The following SOX6 variants were observed in gnomAD, a reference collection of about 807,000 sequenced individuals.
The protein encoded by SOX6 is transcription factor SOX-6.
SOX6 carries 11 observed loss-of-function variants against 97.8 expected under a neutral mutation model. The ratio of observed to expected loss-of-function variants is 0.11; its 90% CI spans 0.07 to 0.19. The LOEUF (loss-of-function observed/expected upper bound fraction) is 0.19, where lower values mean the gene tolerates loss of function less well. Among genes scored for constraint, SOX6 ranks in the 10% least tolerant of loss-of-function variants. The pLI, the probability that SOX6 is intolerant of heterozygous loss-of-function variation, is 1.00. For missense variants in SOX6, 810 were observed against 1,039.5 expected (o/e 0.78, Z 3.04); for synonymous variants, 360 against 371.4 (o/e 0.97, Z 0.35).
Position 16,070,498 on chromosome 11 carries a change from T to C in SOX6, c.1102-14597A>G, listed in dbSNP as rs143587517. Among the ~76,000 whole-genome samples, 47 of 152,300 alleles carry C rather than the reference T, an allele frequency of 3.1e-4. No homozygotes were observed. The East Asian group carries it at 8.5e-3, about 28-fold the overall frequency. ...ATGCATTCAGGAGAGCATTTCCTTA[T>C]GGAACATAGTTGCAAATAATTAAGA... On this transcript the variant is annotated intron_variant, in intron 9 of 15. Transcript: ENST00000683767.
chr11:16,416,212 A>T (rs949100785), intron 1 of SOX6, among the ~76,000 whole-genome samples: 2 of 152,214 alleles, frequency 1.3e-5, no homozygotes, highest in Non-Finnish European at 2.9e-5. Flanking sequence ...CAGAAAGAAA[A>T]GCATGTTCAG....
chr11:16,432,125 T>A (rs1859283040), intron 1 of SOX6, among the ~76,000 whole-genome samples: 1 of 152,058 alleles, frequency 6.6e-6, no homozygotes, highest in South Asian at 2.1e-4. Flanking sequence ...CTCTTTCACT[T>A]CCCATCCTTC....
At chr11:16,366,506 T>C (rs921339593) in intron 1 of SOX6, among the ~76,000 whole-genome samples, 1 of 152,124 alleles carries the variant, frequency 6.6e-6, no homozygotes, top group Non-Finnish European at 1.5e-5. Flanking sequence ...ATAACAGATA[T>C]TGAGAAAGGC....
chr11:16,090,703 G>A (rs527394626), intron 9 of SOX6, among the ~76,000 whole-genome samples: 21 of 151,992 alleles, frequency 1.4e-4, no homozygotes, highest in Non-Finnish European at 2.6e-4. Context: ...GCATTAATTC[G>A]TCCATTTTGC....
At chr11:16,215,967 C>T (rs1302759345) in intron 4 of SOX6, among the ~76,000 whole-genome samples, 1 of 152,030 alleles carries the variant, frequency 6.6e-6, no homozygotes, top group African/African-American at 2.4e-5. Flanking sequence ...GTTAGTATGC[C>T]TTGGTGACAA....
intron 4 of SOX6, among the ~76,000 whole-genome samples, chr11:16,598,307 T>A (rs1400368680): frequency 1.3e-5 from 2 of 152,066 alleles, no homozygotes; most frequent in African/African-American, 4.8e-5. Context: ...TCAATGCCCA[T>A]GGACCTAGTT....
chr11:16,414,316 C>A (rs1470468562), intron 1 of SOX6, among the ~76,000 whole-genome samples: 2 of 152,100 alleles, frequency 1.3e-5, no homozygotes, highest in Non-Finnish European at 2.9e-5. Context: ...TCTGCAAATT[C>A]AAGAAACTAC....
Position 16,055,806 on chromosome 11 carries a change from T to C in SOX6, c.1197A>G (p.Ser399=). 1 of 1,613,798 alleles carries C rather than the reference T, an allele frequency of 6.2e-7. No individual in the cohort carries two copies. The highest frequency in any genetic ancestry group is 8.5e-7 in the Non-Finnish European group (1 of 1,179,832). The change falls in exon 10 of 16, where the codon TCA becomes TCG. Residue 399 remains serine, a synonymous_variant. Transcript: ENST00000683767. ...PQPPNTAGTV[S]PTGIKNEKRG... ...TCTTTTCATTTTTTATCCCAGTAGG[T>C]GAGACCGTCCCTGCTGTGTTTGGTG...
intron 1 of SOX6, among the ~76,000 whole-genome samples, chr11:16,385,590 C>A (rs1364442299): frequency 6.6e-6 from 1 of 151,922 alleles, no homozygotes; most frequent in Admixed American, 6.6e-5. Flanking sequence ...AAAATCTTTT[C>A]TTTATTATTA....
intron 2 of SOX6, among the ~76,000 whole-genome samples, chr11:16,331,692 T>C (rs1856306877): frequency 6.6e-6 from 1 of 152,170 alleles, no homozygotes; most frequent in Admixed American, 6.5e-5. Context: ...TATAAAACAA[T>C]GATCTATCCA....
At position 16,150,284 on chromosome 11, in the gene SOX6, A is replaced by C. The variant is rs113422677; in HGVS notation, c.777+33602T>G. 7.5e-3 allele frequency among the ~76,000 whole-genome samples: 1,145 copies of C among 152,286 alleles called. 17 individuals carry two copies. The highest frequency in any genetic ancestry group is 0.026 in the African/African-American group (1,094 of 41,562). On this transcript the variant is annotated intron_variant, in intron 6 of 15. Transcript: ENST00000683767. ...AGTAACCACTATTCAGAAGGAGACA[A>C]ATCTTCCAGGCCAAAATGTAAACCC...
At chr11:16,094,265 A>C (rs2133971656) in intron 9 of SOX6, among the ~76,000 whole-genome samples, 1 of 149,616 alleles carries the variant, frequency 6.7e-6, no homozygotes, top group African/African-American at 2.4e-5. Context: ...CAGAAACCCA[A>C]CAGAAGCCAG....
At chr11:16,520,408 G>A (rs543162219) in intron 4 of SOX6, among the ~76,000 whole-genome samples, 1 of 152,192 alleles carries the variant, frequency 6.6e-6, no homozygotes, top group South Asian at 2.1e-4. Flanking sequence ...TCTATCTTCT[G>A]CATATGGCTA....
chr11:16,572,552 T>A (rs917916530), intron 4 of SOX6, among the ~76,000 whole-genome samples: 3 of 152,234 alleles, frequency 2.0e-5, no homozygotes, highest in African/African-American at 7.2e-5. Flanking sequence ...GTATTTATAC[T>A]ACTACAATGT....
At chr11:16,092,080 C>T (rs1388418077) in intron 9 of SOX6, among the ~76,000 whole-genome samples, 4 of 152,076 alleles carry the variant, frequency 2.6e-5, no homozygotes, top group South Asian at 2.1e-4. Context: ...TGCTGACAGT[C>T]GCTTTATCTC....
intron 4 of SOX6, among the ~76,000 whole-genome samples, chr11:16,193,189 G>A (rs945502419): frequency 1.1e-4 from 16 of 152,048 alleles, no homozygotes; most frequent in African/African-American, 3.4e-4. Context: ...TAAATTTTGT[G>A]CATTTCTCCA....
chr11:16,694,431 G>A (rs1332316767), intron 3 of SOX6, among the ~76,000 whole-genome samples: 1 of 152,138 alleles, frequency 6.6e-6, no homozygotes, highest in East Asian at 1.9e-4. Context: ...GCTAAGACAG[G>A]AGGATCGCTT....
intron 3 of SOX6, among the ~76,000 whole-genome samples, chr11:16,680,047 T>C (rs559937639): frequency 6.7e-4 from 102 of 152,246 alleles, no homozygotes; most frequent in Admixed American, 1.3e-3. Context: ...CAGGATATTA[T>C]CCAGGAGAAC....
At chr11:16,574,039 T>C (rs1277207455) in intron 4 of SOX6, among the ~76,000 whole-genome samples, 1 of 152,216 alleles carries the variant, frequency 6.6e-6, no homozygotes, top group Non-Finnish European at 1.5e-5. Flanking sequence ...GATTCTATGT[T>C]ATCAAAGTAT....
Sources: gnomAD v4.1 joint callset for allele counts (sites outside exome capture counted in the v4.1 genomes callset) on GRCh38, gnomAD v4.1.1 for gene constraint, MANE v1.5 for transcripts, NCBI Gene and HGNC (gene_info 2026-07-23, HGNC 2026-07-21) for gene names.